The following CDH18 variants were observed in gnomAD, a reference collection of about 807,000 sequenced individuals.
The protein encoded by CDH18 is cadherin 18.
CDH18 carries 31 observed loss-of-function variants against 67.9 expected under a neutral mutation model. The ratio of observed to expected loss-of-function variants is 0.46; its 90% CI spans 0.34 to 0.62. CDH18 has a LOEUF of 0.62. Ranked by LOEUF, CDH18 falls within the 20% of genes least tolerant of loss-of-function variation. CDH18 has a pLI of 0.01. For missense variants in CDH18, 890 were observed against 975.5 expected (o/e 0.91, Z 1.17); for synonymous variants, 362 against 347.2 (o/e 1.04, Z -0.48).
chr5:20,443,207 C>CTCAAAAAAAA (rs1491460573), intron 1 of CDH18, among the ~76,000 whole-genome samples: 2,716 of 24,830 alleles, frequency 0.11, 340 homozygotes, highest in Non-Finnish European at 0.17. Flanking sequence ...GAGACTCCGT[C>CTCAAAAAAAA]ACAAAAAAAA....
intron 2 of CDH18, among the ~76,000 whole-genome samples, chr5:20,148,810 C>G (rs546009295): frequency 2.0e-5 from 3 of 152,108 alleles, no homozygotes; most frequent in Non-Finnish European, 4.4e-5. Flanking sequence ...GACAAAAGCT[C>G]TGTCACATAA....
At chr5:19,522,263 A>G (rs570845043) in intron 9 of CDH18, among the ~76,000 whole-genome samples, 1 of 152,268 alleles carries the variant, frequency 6.6e-6, no homozygotes, top group South Asian at 2.1e-4. Flanking sequence ...CCAATAAAAC[A>G]ACAAATGACA....
At chr5:20,016,431 T>A (rs1737886252) in intron 2 of CDH18, among the ~76,000 whole-genome samples, 1 of 152,122 alleles carries the variant, frequency 6.6e-6, no homozygotes, top group Admixed American at 6.5e-5. Context: ...GTTACCCATA[T>A]AAATTGCACA....
intron 2 of CDH18, among the ~76,000 whole-genome samples, chr5:20,085,733 A>G (rs1157085933): frequency 6.6e-6 from 1 of 152,156 alleles, no homozygotes; most frequent in African/African-American, 2.4e-5. Flanking sequence ...TCTTTTTAAA[A>G]CCATCAAATC....
intron 3 of CDH18, among the ~76,000 whole-genome samples, chr5:19,776,382 G>A (rs561806765): frequency 5.3e-5 from 8 of 152,238 alleles, no homozygotes; most frequent in African/African-American, 1.4e-4. Context: ...GGGAATACAG[G>A]AAGAGATTCA....
chr5:20,008,249 A>G lies in CDH18; in HGVS notation c.-517-16235T>C, dbSNP rs146462650. ...TTGAGAATATAAAAAAAACATATAC[A>G]TGTAGAAACCAGTAGTACCATGCTT... On this transcript the variant is annotated intron_variant, in intron 2 of 14. Coordinates refer to the CDH18 transcript ENST00000507958. Among the ~76,000 whole-genome samples the G allele has an allele frequency of 3.7e-4, 57 of 152,292 alleles. No homozygotes were observed. In the East Asian group the frequency reaches 8.5e-3, roughly 23 times the overall value.
At chr5:20,347,517 C>T (rs2150052247) in intron 1 of CDH18, among the ~76,000 whole-genome samples, 1 of 152,312 alleles carries the variant, frequency 6.6e-6, no homozygotes, top group South Asian at 2.1e-4. Context: ...TTCACATGAA[C>T]AACCATGGAC....
At chr5:19,617,574 G>T in intron 5 of CDH18, among the ~76,000 whole-genome samples, 1 of 152,036 alleles carries the variant, frequency 6.6e-6, no homozygotes, top group East Asian at 1.9e-4. Context: ...AAATGGTTAC[G>T]GCATATTCTA....
chr5:20,232,387 G>C (rs1742146332), intron 2 of CDH18, among the ~76,000 whole-genome samples: 1 of 152,080 alleles, frequency 6.6e-6, no homozygotes, highest in South Asian at 2.1e-4. Context: ...ATACATAACT[G>C]TGCGATGTTG....
intron 3 of CDH18, among the ~76,000 whole-genome samples, chr5:19,781,953 T>G (rs79783552): frequency 6.6e-6 from 1 of 152,198 alleles, no homozygotes; most frequent in Non-Finnish European, 1.5e-5. Flanking sequence ...GGCTTTATAA[T>G]CATTTATTTT....
At chr5:19,999,309 T>C (rs1736257394) in intron 2 of CDH18, among the ~76,000 whole-genome samples, 1 of 151,930 alleles carries the variant, frequency 6.6e-6, no homozygotes, top group Non-Finnish European at 1.5e-5. Context: ...CACATAAAAC[T>C]GTGGACGCAA....
At chr5:19,894,803 G>A (rs1289138365) in intron 2 of CDH18, among the ~76,000 whole-genome samples, 2 of 152,082 alleles carry the variant, frequency 1.3e-5, no homozygotes, top group Non-Finnish European at 1.5e-5. Flanking sequence ...TTCAATGTTA[G>A]TGAACATCAA....
chr5:20,022,013 T>G (rs1429130728), intron 2 of CDH18, among the ~76,000 whole-genome samples: 2 of 152,358 alleles, frequency 1.3e-5, no homozygotes, highest in Admixed American at 1.3e-4. Context: ...AATTGACTTT[T>G]GTAGTTCAAC....
At chr5:19,588,937 A>G (rs1744660092) in intron 7 of CDH18, among the ~76,000 whole-genome samples, 2 of 152,136 alleles carry the variant, frequency 1.3e-5, no homozygotes, top group Non-Finnish European at 2.9e-5. Context: ...AGACTCCCAC[A>G]CAATAATAGT....
intron 2 of CDH18, among the ~76,000 whole-genome samples, chr5:19,978,940 A>G (rs879454219): frequency 6.6e-6 from 1 of 152,160 alleles, no homozygotes; most frequent in Non-Finnish European, 1.5e-5. Flanking sequence ...TACAGCGATT[A>G]GTATGTGAAC....
chr5:20,119,792 A>T (rs1186983292), intron 2 of CDH18, among the ~76,000 whole-genome samples: 1 of 152,168 alleles, frequency 6.6e-6, no homozygotes, highest in Non-Finnish European at 1.5e-5. Flanking sequence ...ATTTATTGTA[A>T]TTACGCATGG....
At chr5:20,173,482 G>A (rs1737000288) in intron 2 of CDH18, among the ~76,000 whole-genome samples, 1 of 152,048 alleles carries the variant, frequency 6.6e-6, no homozygotes, top group South Asian at 2.1e-4. Context: ...CTGGAGGGTC[G>A]GTAAGATGAG....
chr5:19,757,254 G>A lies in CDH18; in HGVS notation c.229-10018C>T, dbSNP rs1034662654. On this transcript the variant is annotated intron_variant, in intron 3 of 12. Transcript: ENST00000382275. ...CACGATAGGCAAACCCATATGCAGA[G>A]TAAGTGTCTATTCCAGTGAAGACCA... 2.6e-5 allele frequency among the ~76,000 whole-genome samples: 4 copies of A among 152,342 alleles called. No homozygotes were observed. The East Asian group carries it at 7.7e-4, about 29-fold the overall frequency.
chr5:20,501,893 TACAC>T (rs61655025), intron 1 of CDH18, among the ~76,000 whole-genome samples: 3,770 of 145,034 alleles, frequency 0.026, 152 homozygotes, highest in African/African-American at 0.09. Flanking sequence ...AATACTTCCT[TACAC>T]ACACACACAC....
Sources: gnomAD v4.1 joint callset for allele counts (sites outside exome capture counted in the v4.1 genomes callset) on GRCh38, gnomAD v4.1.1 for gene constraint, MANE v1.5 for transcripts, NCBI Gene and HGNC (gene_info 2026-07-23, HGNC 2026-07-21) for gene names.